NDUFAF6: variants seen among roughly 807,000 people sequenced by gnomAD.
The protein encoded by NDUFAF6 is NADH:ubiquinone oxidoreductase complex assembly factor 6, also known as NADH dehydrogenase (ubiquinone) complex I, assembly factor 6.
NDUFAF6 carries 45 observed loss-of-function variants against 40.8 expected under a neutral mutation model. The observed-to-expected ratio is 1.10, with a 90% CI of 0.87 to 1.42. The LOEUF (loss-of-function observed/expected upper bound fraction) is 1.42. Ranked by LOEUF, NDUFAF6 falls within the 40% of genes most tolerant of loss-of-function variation. The pLI is 0.00. For synonymous variants in NDUFAF6, 185 were observed against 155.9 expected (o/e 1.19, Z -1.39); for missense variants, 435 against 418.5 (o/e 1.04, Z -0.34).
exon 10 of NDUFAF6, chr8:95,075,690 A>C: frequency 7.8e-7 from 1 of 1,288,160 alleles, no homozygotes; most frequent in South Asian, 1.2e-5. Flanking sequence ...CAGCCTGGGA[A>C]AATGAAGCCA....
Position 94,940,018 on chromosome 8 carries a change from A to T in NDUFAF6, c.-935-5465A>T. On this transcript the variant is annotated intron_variant, in intron 1 of 14. Coordinates refer to the NDUFAF6 transcript ENST00000396113. ...CCTTGATAGTGGTTAATCCACCTGCAGTAAAACATGGGGGTGGGGTGATAA... is the reference window on the plus strand; with the variant it reads ...CCTTGATAGTGGTTAATCCACCTGCTGTAAAACATGGGGGTGGGGTGATAA... 1 of 1,614,214 alleles carries T rather than the reference A, an allele frequency of 6.2e-7. No individual in the cohort carries two copies. The highest frequency in any genetic ancestry group is 2.2e-5 in the East Asian group (1 of 44,886).
intron 2 of NDUFAF6, among the ~76,000 whole-genome samples, chr8:94,952,710 C>T (rs1822726990): frequency 6.6e-6 from 1 of 152,180 alleles, no homozygotes; most frequent in African/African-American, 2.4e-5. Flanking sequence ...AGAATTATTC[C>T]AGGGCCATAA....
At chr8:95,112,941 G>C (rs1810038091) in intron 4 of NDUFAF6, among the ~76,000 whole-genome samples, 1 of 152,240 alleles carries the variant, frequency 6.6e-6, no homozygotes, top group African/African-American at 2.4e-5. Flanking sequence ...ATGGCCCACT[G>C]CCAGGCCAGG....
chr8:94,930,360 A>C (rs1820270068), intron 1 of NDUFAF6: 6 of 1,402,442 alleles, frequency 4.3e-6, no homozygotes, highest in Non-Finnish European at 5.9e-6. Context: ...ATACACTGAT[A>C]AAACTATGTG....
At chr8:95,021,869 A>G (rs922778366), upstream of NDUFAF6, among the ~76,000 whole-genome samples, 16 of 152,182 alleles carry the variant, frequency 1.1e-4, no homozygotes, top group African/African-American at 3.9e-4. Flanking sequence ...TGGGTAACCT[A>G]AGGACTCACT....
At chr8:95,055,476 CACTT>C (rs1437225439) in intron 8 of NDUFAF6, among the ~76,000 whole-genome samples, 3 of 151,898 alleles carry the variant, frequency 2.0e-5, no homozygotes, top group East Asian at 1.9e-4. Flanking sequence ...ATAAATATAA[CACTT>C]AATAGCTATA....
At chr8:95,049,289 C>T (rs910270804) in intron 7 of NDUFAF6, among the ~76,000 whole-genome samples, 1 of 152,196 alleles carries the variant, frequency 6.6e-6, no homozygotes, top group Admixed American at 6.5e-5. Context: ...TCTGACTTGG[C>T]TCCTGAACTG....
At chr8:94,939,999 T>A in intron 1 of NDUFAF6, 22 of 1,614,204 alleles carry the variant, frequency 1.4e-5, no homozygotes, top group Non-Finnish European at 1.9e-5. Context: ...TCCACCTTGA[T>A]AGTGGTTAAT....
chr8:95,108,114 G>C (rs1457247611), downstream of NDUFAF6, among the ~76,000 whole-genome samples: 1 of 152,134 alleles, frequency 6.6e-6, no homozygotes, highest in Non-Finnish European at 1.5e-5. Context: ...GTACTTTGCT[G>C]GTGGGATGTA....
At chr8:95,113,477 G>A (rs140036305) in intron 4 of NDUFAF6, among the ~76,000 whole-genome samples, 4 of 152,276 alleles carry the variant, frequency 2.6e-5, no homozygotes, top group Non-Finnish European at 5.9e-5. Context: ...AGAGTACGCA[G>A]AGTCTGAGGG....
At chr8:95,075,256 C>T (rs1832994690) in intron 9 of NDUFAF6, among the ~76,000 whole-genome samples, 1 of 152,188 alleles carries the variant, frequency 6.6e-6, no homozygotes, top group Non-Finnish European at 1.5e-5. Flanking sequence ...TGACAAATGA[C>T]TTTCAGATAT....
At chr8:94,989,192 G>A (rs746028874) in intron 2 of NDUFAF6, 1 of 152,196 alleles carries the variant, frequency 6.6e-6, no homozygotes, top group Admixed American at 6.5e-5. Flanking sequence ...AAATGAAACA[G>A]TGATTTCCAC....
chr8:94,933,907 C>A (rs36118131), intron 1 of NDUFAF6, among the ~76,000 whole-genome samples: 109,848 of 142,492 alleles, frequency 0.77, 43,789 homozygotes, highest in East Asian at 0.89. Context: ...CCCGTCTCTA[C>A]TAAAAATGCA....
intron 6 of NDUFAF6, among the ~76,000 whole-genome samples, 165 bp downstream of exon 6, chr8:95,047,292 A>C (rs1294437398): frequency 6.6e-6 from 1 of 152,138 alleles, no homozygotes; most frequent in Non-Finnish European, 1.5e-5. Context: ...ATCAAGTCAG[A>C]ATTGTGTCCA....
upstream of NDUFAF6, among the ~76,000 whole-genome samples, chr8:94,956,944 G>T (rs893328325): frequency 6.6e-6 from 1 of 152,168 alleles, no homozygotes; most frequent in Non-Finnish European, 1.5e-5. Context: ...GCTGAGGTGG[G>T]CGGATCACTT....
At chr8:94,998,122 G>C (rs961711772) in intron 2 of NDUFAF6, among the ~76,000 whole-genome samples, 1 of 152,032 alleles carries the variant, frequency 6.6e-6, no homozygotes, top group Non-Finnish European at 1.5e-5. Flanking sequence ...AAAATTACTC[G>C]AGAAAAACAA....
intron 1 of NDUFAF6, among the ~76,000 whole-genome samples, chr8:94,905,279 C>T (rs998922062): frequency 1.4e-4 from 17 of 121,610 alleles, no homozygotes; most frequent in African/African-American, 4.9e-4. Flanking sequence ...TTTTGCCACT[C>T]CTTTTCAGGT....
At chr8:94,946,426 C>T (rs754351984) in intron 2 of NDUFAF6, among the ~76,000 whole-genome samples, 2 of 151,776 alleles carry the variant, frequency 1.3e-5, no homozygotes, top group East Asian at 1.9e-4. Flanking sequence ...TGAGGCTGGG[C>T]GCAGTGGCTC....
downstream of NDUFAF6, among the ~76,000 whole-genome samples, chr8:95,077,100 T>C (rs72679243): frequency 6.6e-6 from 1 of 152,286 alleles, no homozygotes; most frequent in Non-Finnish European, 1.5e-5. Context: ...TGGCCATCTA[T>C]AAGCCAAGGA....
Sources: allele counts gnomAD v4.1 joint callset (sites outside exome capture counted in the v4.1 genomes callset), GRCh38; gene constraint gnomAD v4.1.1; transcripts MANE v1.5; gene names NCBI Gene and HGNC (gene_info 2026-07-23, HGNC 2026-07-21).